KMO: variants seen among roughly 807,000 people sequenced by gnomAD.
KMO encodes kynurenine 3-hydroxylase.
KMO carries 24 observed loss-of-function variants against 57.8 expected under a neutral mutation model. The observed-to-expected ratio is 0.42, with a 90% confidence interval of 0.30 to 0.58. KMO has a LOEUF of 0.58. KMO is among the 20% of genes least tolerant of loss of function. The probability of loss-of-function intolerance (pLI) is 0.22; values close to 1 mark genes in which losing one functional copy is unlikely to be tolerated. For synonymous variants in KMO, 210 were observed against 193.6 expected, an observed-to-expected ratio of 1.08 and a Z score of -0.70; for missense variants, 483 against 588.2, an observed-to-expected ratio of 0.82 and a Z score of 1.85.
intron 5 of KMO, among the ~76,000 whole-genome samples, chr1:241,556,229 G>A (rs570249988): frequency 3.2e-4 from 49 of 152,288 alleles, no homozygotes; most frequent in Middle Eastern, 6.8e-3. Flanking sequence ...GAAATCCTGT[G>A]CTCAAGCTAT....
In KMO at chr1:241,560,947, C is replaced by T. The variant is rs114677549; in HGVS notation, c.449+195C>T. On this transcript the variant is annotated intron_variant, in intron 6 of 14. Coordinates refer to ENST00000366559, the MANE Select transcript of KMO (RefSeq NM_003679.5). ...CATCTGAACACCAATGCCAATAATT[C>T]TTAATTCTCACACTTGCTCACCTTC... 4.2e-3 allele frequency among the ~76,000 whole-genome samples: 636 copies of T among 152,306 alleles called. 4 individuals carry two copies. The highest frequency in any genetic ancestry group is 0.024 in the Middle Eastern group (7 of 294).
intron 5 of KMO, 106 bp downstream of exon 5, chr1:241,555,766 A>G: frequency 4.3e-6 from 3 of 702,138 alleles, no homozygotes; most frequent in Non-Finnish European, 7.5e-6. Context: ...TTTATGGGTT[A>G]TGAAGAGCAA....
intron 14 of KMO, among the ~76,000 whole-genome samples, chr1:241,590,910 G>A (rs577868027): frequency 1.3e-5 from 2 of 152,116 alleles, no homozygotes; most frequent in African/African-American, 2.4e-5. Context: ...AGGGGAAGGC[G>A]GAAGACACAT....
chr1:241,533,522 A>G (rs1443327182), intron 1 of KMO, among the ~76,000 whole-genome samples: 4 of 152,190 alleles, frequency 2.6e-5, no homozygotes, highest in Non-Finnish European at 5.9e-5. Context: ...TAGAAATGCT[A>G]TCACATGATG....
At chr1:241,539,456 T>C (rs61825624) in intron 1 of KMO, among the ~76,000 whole-genome samples, 4,614 of 151,770 alleles carry the variant, frequency 0.03, 93 homozygotes, top group Middle Eastern at 0.12. Context: ...GCATTCAGAG[T>C]AACAACTGTC....
chr1:241,589,251 T>A (rs1663148861), intron 12 of KMO, among the ~76,000 whole-genome samples: 1 of 145,402 alleles, frequency 6.9e-6, no homozygotes, highest in African/African-American at 2.6e-5. Flanking sequence ...TGGAAACTTA[T>A]GCACTAAAAA....
At chr1:241,588,213 C>T (rs146698400) in intron 11 of KMO, among the ~76,000 whole-genome samples, 58 of 151,684 alleles carry the variant, frequency 3.8e-4, no homozygotes, top group African/African-American at 1.3e-3. Context: ...AAAAGCCTAC[C>T]GTAAAGTAAG....
chr1:241,584,175 T>C (rs1558430400), intron 10 of KMO, among the ~76,000 whole-genome samples: 1 of 149,314 alleles, frequency 6.7e-6, no homozygotes, highest in Non-Finnish European at 1.5e-5. Context: ...TTCCCCTTCC[T>C]GTGTCCATGT....
At chr1:241,567,106 A>G (rs916044795) in intron 9 of KMO, among the ~76,000 whole-genome samples, 6 of 152,246 alleles carry the variant, frequency 3.9e-5, no homozygotes, top group African/African-American at 1.4e-4. Flanking sequence ...TAAATCATTC[A>G]GCACAAGGCT....
At chr1:241,545,466 C>T (rs930509410) in intron 1 of KMO, among the ~76,000 whole-genome samples, 8 of 152,216 alleles carry the variant, frequency 5.3e-5, no homozygotes, top group Admixed American at 1.3e-4. Flanking sequence ...AGATCTGTTC[C>T]GGGTCCCTCT....
rs113694004 is a variant in KMO, at chr1:241,572,824, AT to A, written c.957+4179del. 1.5e-3 allele frequency among the ~76,000 whole-genome samples: 231 copies of A among 152,206 alleles called. 4 individuals carry two copies. Among genetic ancestry groups the A allele is most frequent in the African/African-American group, 5.1e-3 (212 of 41,532 alleles). On this transcript the variant is annotated intron_variant, in intron 10 of 14. Transcript: ENST00000366559. Reference sequence around the variant, plus strand: ...TCACCATTCTGAGTCACCAAAGCCCATTATATTACTCTGCGTTTCTGTACTC... The same window carrying A: ...TCACCATTCTGAGTCACCAAAGCCCATATATTACTCTGCGTTTCTGTACTC...
intron 11 of KMO, among the ~76,000 whole-genome samples, chr1:241,588,126 C>T (rs372808114): frequency 6.6e-6 from 1 of 151,878 alleles, no homozygotes; most frequent in African/African-American, 2.4e-5. Context: ...TCTTTTTCAT[C>T]TATAAAGTGG....
chr1:241,535,184 T>C (rs2147936315), intron 1 of KMO, among the ~76,000 whole-genome samples: 1 of 152,216 alleles, frequency 6.6e-6, no homozygotes, highest in South Asian at 2.1e-4. Flanking sequence ...ATTGACTAAA[T>C]AGAGCAATTC....
intron 9 of KMO, 81 bp downstream of exon 9, chr1:241,566,693 T>C (rs1662092731): frequency 6.7e-7 from 1 of 1,498,614 alleles, no homozygotes. Context: ...TGATTTCAGT[T>C]TGGGTTAAAC....
chr1:241,588,149 C>T (rs1461186264), intron 11 of KMO, among the ~76,000 whole-genome samples: 1 of 151,858 alleles, frequency 6.6e-6, no homozygotes, highest in Non-Finnish European at 1.5e-5. Flanking sequence ...ATGATACTCT[C>T]AACTTCAGAG....
rs775874773 is a variant in KMO, at chr1:241,588,825, A to G, written c.1093A>G (p.Ile365Val). The change falls in exon 12 of 15, where the codon ATA (isoleucine) becomes GTA (valine). Residue 365 changes from isoleucine (I) to valine (V), a missense_variant. By Grantham distance (29) the Ile-to-Val change is conservative. This residue lies in a region of KMO where 410 missense variants were observed against 492.3 expected (regional missense o/e 0.83). Transcript: ENST00000366559. ...AISDLSMYNY[I>V]EMRAHVNSSW... is the part of the protein sequence containing the mutation. ...TTCAGACCTATCCATGTACAATTACATAGAGGTGAGTGAGAAGGTTTGGCT... is the reference window on the plus strand; with the variant it reads ...TTCAGACCTATCCATGTACAATTACGTAGAGGTGAGTGAGAAGGTTTGGCT... The G allele has an allele frequency of 1.1e-5, 18 of 1,610,278 alleles. No homozygotes were observed. Among genetic ancestry groups the G allele is most frequent in the Middle Eastern group, 1.6e-4 (1 of 6,074 alleles).
intron 7 of KMO, among the ~76,000 whole-genome samples, chr1:241,563,237 G>T (rs558049988): frequency 3.9e-4 from 60 of 152,256 alleles, no homozygotes; most frequent in African/African-American, 1.3e-3. Context: ...TTTTCATGTT[G>T]TCATAAGCAA....
intron 10 of KMO, among the ~76,000 whole-genome samples, chr1:241,575,328 T>C (rs1489450291): frequency 6.6e-6 from 1 of 152,110 alleles, no homozygotes; most frequent in African/African-American, 2.4e-5. Flanking sequence ...TTTGTTCTTG[T>C]GTCTCTAGTT....
At chr1:241,570,539 T>C (rs537002025) in intron 10 of KMO, among the ~76,000 whole-genome samples, 44 of 152,266 alleles carry the variant, frequency 2.9e-4, no homozygotes, top group Middle Eastern at 3.4e-3. Context: ...AGACTGTCTT[T>C]TCCCCAATGT....
Sources: gnomAD v4.1 joint callset for allele counts (sites outside exome capture counted in the v4.1 genomes callset) on GRCh38, gnomAD v4.1.1 for gene constraint, gnomAD v4.1.1 regional missense constraint, MANE v1.5 for transcripts, NCBI Gene and HGNC (gene_info 2026-07-23, HGNC 2026-07-21) for gene names.